Variants in PRPSAP2 observed in about 807,000 individuals in gnomAD.
The protein encoded by PRPSAP2 is phosphoribosyl pyrophosphate synthetase associated protein 2.
PRPSAP2 carries 24 observed loss-of-function variants against 40.6 expected under a neutral mutation model. That is an observed-to-expected ratio of 0.59 (90% CI 0.43 to 0.83). The LOEUF (loss-of-function observed/expected upper bound fraction) is 0.83. Among genes scored for constraint, PRPSAP2 ranks in the 40% least tolerant of loss-of-function variants. PRPSAP2 has a pLI of 0.00. For missense variants in PRPSAP2, 292 were observed against 465.6 expected (o/e 0.63, Z 3.43); for synonymous variants, 149 against 164.7 (o/e 0.90, Z 0.73).
chr17:18,920,372 T>C (rs1175255277), intron 9 of PRPSAP2, among the ~76,000 whole-genome samples: 1 of 152,206 alleles, frequency 6.6e-6, no homozygotes, highest in Non-Finnish European at 1.5e-5. Flanking sequence ...CTCTATGTTC[T>C]TTCTAATATT....
intron 6 of PRPSAP2, among the ~76,000 whole-genome samples, chr17:18,880,670 A>C (rs566930023): frequency 8.6e-5 from 13 of 152,018 alleles, no homozygotes; most frequent in African/African-American, 3.1e-4. Context: ...CGGCCTCCCA[A>C]AGTGCTGGGT....
intron 8 of PRPSAP2, among the ~76,000 whole-genome samples, chr17:18,894,631 C>T (rs1218276166): frequency 1.3e-5 from 2 of 151,922 alleles, no homozygotes; most frequent in African/African-American, 2.4e-5. Context: ...GCACCTGCCA[C>T]CATGCCCAGC....
intron 8 of PRPSAP2, among the ~76,000 whole-genome samples, chr17:18,901,898 T>TA (rs2040291864): frequency 6.6e-6 from 1 of 151,960 alleles, no homozygotes; most frequent in Non-Finnish European, 1.5e-5. Context: ...CCTCCTGCCT[T>TA]AGTCTCCTGA....
chr17:18,892,520 C>G (rs2039610315), intron 8 of PRPSAP2, among the ~76,000 whole-genome samples: 1 of 151,714 alleles, frequency 6.6e-6, no homozygotes, highest in African/African-American at 2.4e-5. Flanking sequence ...TTATAATCAT[C>G]CTAGTGGGTG....
At chr17:18,877,990 T>C (rs1408521660) in intron 6 of PRPSAP2, 120 bp downstream of exon 6, 5 of 1,083,868 alleles carry the variant, frequency 4.6e-6, no homozygotes, top group Non-Finnish European at 6.5e-6. Flanking sequence ...GGCGTGATCA[T>C]AGCTCACTGC....
chr17:18,860,347 C>T (rs2036913860), intron 1 of PRPSAP2, among the ~76,000 whole-genome samples: 2 of 152,320 alleles, frequency 1.3e-5, no homozygotes, highest in East Asian at 1.9e-4. Flanking sequence ...TGAGGCACTG[C>T]GCCTGGCCGG....
intron 8 of PRPSAP2, chr17:18,908,188 A>T (rs552660191): frequency 4.2e-5 from 27 of 635,530 alleles, no homozygotes; most frequent in Middle Eastern, 4.3e-4. Context: ...ATGCGGTGGG[A>T]AGAAGCTCCT....
intron 6 of PRPSAP2, among the ~76,000 whole-genome samples, chr17:18,880,415 T>C (rs377331955): frequency 8.5e-4 from 130 of 152,274 alleles, no homozygotes; most frequent in African/African-American, 2.6e-3. Flanking sequence ...TCTTTTTTTT[T>C]CCCCATGGGT....
intron 7 of PRPSAP2, among the ~76,000 whole-genome samples, chr17:18,885,281 G>A (rs1230374976): frequency 6.6e-6 from 1 of 151,442 alleles, no homozygotes; most frequent in Non-Finnish European, 1.5e-5. Flanking sequence ...CATTCCTGTG[G>A]TCCCCCCTAC....
At chr17:18,899,464 C>A (rs1432670316) in intron 8 of PRPSAP2, among the ~76,000 whole-genome samples, 1 of 151,110 alleles carries the variant, frequency 6.6e-6, no homozygotes, top group Non-Finnish European at 1.5e-5. Flanking sequence ...TTTCCTTGAC[C>A]TCCATTATTA....
At chr17:18,920,623 T>C (rs1195688279) in intron 9 of PRPSAP2, among the ~76,000 whole-genome samples, 3 of 152,194 alleles carry the variant, frequency 2.0e-5, no homozygotes, top group Non-Finnish European at 2.9e-5. Flanking sequence ...ATTCTTCCTG[T>C]AGCATCTCGA....
Position 18,884,969 on chromosome 17 carries a change from C to T in PRPSAP2, c.528+2286C>T, listed in dbSNP as rs75449255. 8.1e-3 allele frequency among the ~76,000 whole-genome samples: 1,236 copies of T among 152,208 alleles called. 13 individuals are homozygous for T. Among genetic ancestry groups the T allele is most frequent in the African/African-American group, 0.028 (1,163 of 41,548 alleles). On this transcript the variant is annotated intron_variant, in intron 7 of 11. Transcript: ENST00000268835. Reference sequence around the variant, plus strand: ...ATGCCCGGTGGGTGAGCCTAAAGAACGAAGGCTGGGGCACCCTTGTGCTGG... The same window carrying T: ...ATGCCCGGTGGGTGAGCCTAAAGAATGAAGGCTGGGGCACCCTTGTGCTGG...
chr17:18,864,315 A>G (rs1464338829), intron 1 of PRPSAP2, among the ~76,000 whole-genome samples: 1 of 148,966 alleles, frequency 6.7e-6, no homozygotes, highest in Non-Finnish European at 1.5e-5. Flanking sequence ...TTTTTCTGAG[A>G]CGGAGTCTCG....
intron 11 of PRPSAP2, chr17:18,929,644 C>G (rs1455220154): frequency 6.6e-6 from 1 of 152,286 alleles, no homozygotes; most frequent in East Asian, 1.9e-4. Context: ...CTTCACTCAA[C>G]ATAATATTTT....
At position 18,867,326 on chromosome 17, in the gene PRPSAP2, C is replaced by T; in HGVS notation, c.164C>T (p.Pro55Leu). Residue 55 changes from proline (P) to leucine (L), a missense_variant, in exon 4 of 12, where the codon CCT becomes CTT. Physicochemically the swap from Pro to Leu is moderately conservative, Grantham distance 98. This residue lies in a region of PRPSAP2 where 241 missense variants were observed against 425.7 expected (regional missense o/e 0.57). Transcript: ENST00000268835. ...EMGKVQVYQEPNRETRVQIQE... is the reference protein window; with the variant it reads ...EMGKVQVYQELNRETRVQIQE... ...GGCAAAGTGCAGGTTTACCAGGAAC[C>T]TAACAGAGGTGAGCTATCTTGGGCA... 2 of 1,614,088 alleles carry T rather than the reference C, an allele frequency of 1.2e-6. No homozygotes were observed. Among genetic ancestry groups the T allele is most frequent in the Non-Finnish European group, 8.5e-7 (1 of 1,180,008 alleles).
chr17:18,905,639 G>T (rs549635653), intron 8 of PRPSAP2, among the ~76,000 whole-genome samples: 1 of 152,014 alleles, frequency 6.6e-6, no homozygotes, highest in South Asian at 2.1e-4. Context: ...GAGTGCAATG[G>T]TGCGATCTCG....
intron 1 of PRPSAP2, among the ~76,000 whole-genome samples, chr17:18,862,381 T>TA (rs1466983240): frequency 6.6e-6 from 1 of 152,198 alleles, no homozygotes; most frequent in Admixed American, 6.5e-5. Context: ...ACTTTCATTC[T>TA]AAGTGTTCCA....
intron 9 of PRPSAP2, among the ~76,000 whole-genome samples, chr17:18,917,156 G>A (rs893690518): frequency 2.0e-5 from 3 of 152,100 alleles, no homozygotes; most frequent in African/African-American, 7.2e-5. Context: ...AGTTGTTGGG[G>A]AAGAACCCTA....
At chr17:18,908,445 C>G in intron 8 of PRPSAP2, 2 of 758,672 alleles carry the variant, frequency 2.6e-6, no homozygotes, top group Non-Finnish European at 4.9e-6. Flanking sequence ...TGATTTGCCT[C>G]AGAGAAGGAT....
Sources: allele counts gnomAD v4.1 joint callset (sites outside exome capture counted in the v4.1 genomes callset), GRCh38; gene constraint gnomAD v4.1.1; regional missense constraint gnomAD v4.1.1; transcripts MANE v1.5; gene names NCBI Gene and HGNC (gene_info 2026-07-23, HGNC 2026-07-21).